The following PPM1E variants were observed in gnomAD, a reference collection of about 807,000 sequenced individuals.
PPM1E encodes protein phosphatase 1E.
A neutral mutation model predicts 65.9 loss-of-function variants in PPM1E; 20 were observed. The observed-to-expected ratio is 0.30, with a 90% confidence interval of 0.21 to 0.44. The LOEUF (loss-of-function observed/expected upper bound fraction) is 0.44. Ranked by LOEUF, PPM1E falls within the 20% of genes least tolerant of loss-of-function variation. PPM1E has a pLI of 1.00. For missense variants in PPM1E, 713 were observed against 953.1 expected (o/e 0.75, Z 3.32); for synonymous variants, 352 against 374.9 (o/e 0.94, Z 0.70).
Position 58,983,016 on chromosome 17 carries a change from T to C in PPM1E, c.*1985T>C, listed in dbSNP as rs1482488072. Reference sequence around the variant, plus strand: ...AAAAAAAAAAGCTTTTTAAAATTTCTATTGTTGTCTATTGGTAATGTTTTT... The same window carrying C: ...AAAAAAAAAAGCTTTTTAAAATTTCCATTGTTGTCTATTGGTAATGTTTTT... On this transcript the variant is annotated 3_prime_UTR_variant, in exon 7 of 7. Coordinates refer to ENST00000308249, the MANE Select transcript of PPM1E (RefSeq NM_014906.5). 3.1e-5 allele frequency: 34 copies of C among 1,093,636 alleles called. No homozygotes were observed. The Admixed American group carries it at 5.5e-4, about 18-fold the overall frequency. The allele number at this position is 1,093,636 out of a possible 1,614,324, so 67.7% of individuals were successfully genotyped here. A position where few individuals can be genotyped will look rare whatever the true frequency, so the allele number is the denominator to read the frequency against.
intron 1 of PPM1E, among the ~76,000 whole-genome samples, chr17:58,939,012 T>C (rs2052023986): frequency 6.6e-6 from 1 of 152,014 alleles, no homozygotes; most frequent in African/African-American, 2.4e-5. Flanking sequence ...GGTCTCGAAC[T>C]CCGGACCTCA....
chr17:58,881,238 A>C (rs1389115932), intron 1 of PPM1E, among the ~76,000 whole-genome samples: 1 of 152,212 alleles, frequency 6.6e-6, no homozygotes, highest in Non-Finnish European at 1.5e-5. Context: ...CAGAAATAGA[A>C]ATACAGAAGG....
At chr17:58,937,879 C>CAAAAAAAAAAA (rs1226139023) in intron 1 of PPM1E, among the ~76,000 whole-genome samples, 1 of 82,944 alleles carries the variant, frequency 1.2e-5, no homozygotes, top group African/African-American at 5.0e-5. Context: ...GACTCCATCT[C>CAAAAAAAAAAA]AAAAAAAAAA....
intron 4 of PPM1E, among the ~76,000 whole-genome samples, chr17:58,970,932 ATTCT>A (rs1405201613): frequency 3.3e-5 from 5 of 151,750 alleles, no homozygotes; most frequent in African/African-American, 2.4e-5. Flanking sequence ...CCTCTATTCT[ATTCT>A]TTTTTTCCTC....
rs1352076237 is a variant in PPM1E at position 58,980,536 on chromosome 17, G to A, written c.1773G>A (p.Met591Ile). ...HSAQFLLPVE[M>I]FGPGAPKKAN... ...CCCAGTTTTTGCTACCAGTTGAGAT[G>A]TTTGGTCCTGGTGCACCAAAGAAAG... The change falls in exon 7 of 7, where the codon ATG becomes ATA. Residue 591 changes from methionine (M) to isoleucine (I), a missense_variant. Physicochemically the swap from Met to Ile is conservative, Grantham distance 10 (BLOSUM62 1). Coordinates refer to ENST00000308249, the MANE Select transcript of PPM1E (RefSeq NM_014906.5). The surrounding 1 kb of genome is among the most constrained non-coding windows in gnomAD (Gnocchi z 4.7). The A allele has an allele frequency of 3.7e-6, 6 of 1,614,204 alleles. No homozygotes were observed. The South Asian group carries it at 6.6e-5, about 18-fold the overall frequency.
intron 4 of PPM1E, among the ~76,000 whole-genome samples, chr17:58,971,766 G>A (rs1442319970): frequency 6.6e-6 from 1 of 152,180 alleles, no homozygotes; most frequent in Non-Finnish European, 1.5e-5. Context: ...TCTGAGGATT[G>A]GTATAGAGGA....
intron 1 of PPM1E, among the ~76,000 whole-genome samples, chr17:58,908,010 T>C (rs2051579683): frequency 6.6e-6 from 1 of 152,152 alleles, no homozygotes; most frequent in Non-Finnish European, 1.5e-5. Context: ...TTATTTACCA[T>C]ATTTGTTACT....
At chr17:58,899,900 T>C (rs1445660079) in intron 1 of PPM1E, among the ~76,000 whole-genome samples, 1 of 151,784 alleles carries the variant, frequency 6.6e-6, no homozygotes, top group Non-Finnish European at 1.5e-5. Flanking sequence ...AGAGAATTAA[T>C]AGTTCTACCC....
intron 3 of PPM1E, among the ~76,000 whole-genome samples, chr17:58,968,562 A>G (rs534509036): frequency 1.3e-5 from 2 of 152,356 alleles, no homozygotes; most frequent in East Asian, 1.9e-4. Flanking sequence ...TTAAGAATCA[A>G]TGACAGGCCT....
chr17:58,897,816 T>C (rs936210966), intron 1 of PPM1E: 3 of 152,188 alleles, frequency 2.0e-5, no homozygotes, highest in African/African-American at 7.2e-5. Context: ...GTAATGGATG[T>C]TAAGAATACT....
chr17:58,963,709 AAAAAAAT>A (rs1212804436), intron 2 of PPM1E, among the ~76,000 whole-genome samples: 24 of 152,052 alleles, frequency 1.6e-4, no homozygotes, highest in African/African-American at 3.1e-4. Flanking sequence ...CCTCCATCTC[AAAAAAAT>A]AAAAAATAAA....
chr17:58,938,222 C>T (rs1046624406), intron 1 of PPM1E, among the ~76,000 whole-genome samples: 11 of 152,130 alleles, frequency 7.2e-5, no homozygotes, highest in African/African-American at 2.7e-4. Flanking sequence ...CTAGAATTGA[C>T]TTTAGAGTTA....
intron 2 of PPM1E, among the ~76,000 whole-genome samples, chr17:58,959,583 A>C (rs1457279590): frequency 7.2e-6 from 1 of 139,046 alleles, no homozygotes; most frequent in East Asian, 2.3e-4. Context: ...TGGGTGACAG[A>C]GTGAGACTCT....
intron 1 of PPM1E, among the ~76,000 whole-genome samples, chr17:58,948,655 G>T (rs9916033): frequency 0.02 from 2,971 of 152,226 alleles, 99 homozygotes; most frequent in African/African-American, 0.068. Flanking sequence ...TATTTTTACT[G>T]CAGAGACATA....
rs1274183430 is a variant in PPM1E at position 58,848,727 on chromosome 17, A to T, written c.464+92266A>T. Among the ~76,000 whole-genome samples, 5 of 152,250 alleles carry T rather than the reference A, an allele frequency of 3.3e-5. No individual in the cohort carries two copies. The East Asian group carries it at 5.8e-4, about 18-fold the overall frequency. Reference sequence around the variant, plus strand: ...GATGTTCATCAGGGATATTGGTCTAAAATTCTCTTCTTTTGTTGTGTCTCT... The same window carrying T: ...GATGTTCATCAGGGATATTGGTCTATAATTCTCTTCTTTTGTTGTGTCTCT... On this transcript the variant is annotated intron_variant, in intron 1 of 6. Coordinates refer to ENST00000308249, the MANE Select transcript of PPM1E (RefSeq NM_014906.5).
intron 3 of PPM1E, chr17:58,966,277 G>A: frequency 2.7e-6 from 1 of 366,022 alleles, no homozygotes; most frequent in Non-Finnish European, 5.2e-6. Flanking sequence ...CACTTTGGGA[G>A]GCTGATACGG....
intron 1 of PPM1E, among the ~76,000 whole-genome samples, chr17:58,876,085 C>T (rs1017641527): frequency 3.9e-5 from 6 of 152,100 alleles, no homozygotes. Flanking sequence ...GTATTATGAA[C>T]ATAATTTTTT....
intron 1 of PPM1E, among the ~76,000 whole-genome samples, chr17:58,902,013 T>A (rs1050885167): frequency 5.9e-5 from 9 of 151,980 alleles, no homozygotes; most frequent in African/African-American, 2.2e-4. Flanking sequence ...AAAATGAATC[T>A]AAAATATAAT....
At chr17:58,871,685 G>A (rs576031407) in intron 1 of PPM1E, among the ~76,000 whole-genome samples, 2 of 151,738 alleles carry the variant, frequency 1.3e-5, no homozygotes, top group African/African-American at 2.4e-5. Context: ...GTGTGGGGAC[G>A]CACACCTGTA....
Sources: gnomAD v4.1 joint callset for allele counts (sites outside exome capture counted in the v4.1 genomes callset) on GRCh38, gnomAD v4.1.1 for gene constraint, Gnocchi (gnomAD v3.1) non-coding constraint, MANE v1.5 for transcripts, NCBI Gene and HGNC (gene_info 2026-07-23, HGNC 2026-07-21) for gene names.